The following PLCXD3 variants were observed in gnomAD, a reference collection of about 807,000 sequenced individuals.
PLCXD3 encodes the protein PI-PLC X domain-containing protein 3.
In PLCXD3, 19 loss-of-function variants were observed where a neutral mutation model predicts 25.5. The observed-to-expected ratio is 0.75, with a 90% confidence interval of 0.52 to 1.09. PLCXD3 has a LOEUF of 1.09. PLCXD3 is among the 50% of genes least tolerant of loss of function. PLCXD3 has a pLI of 0.00. For synonymous variants in PLCXD3, 174 were observed against 137.6 expected (o/e 1.26, Z -1.85); for missense variants, 411 against 388.1 (o/e 1.06, Z -0.50).
At chr5:41,339,501 T>G (rs567410061) in intron 2 of PLCXD3, among the ~76,000 whole-genome samples, 2 of 152,184 alleles carry the variant, frequency 1.3e-5, no homozygotes, top group East Asian at 3.9e-4. Flanking sequence ...TAGTTGGTCA[T>G]GTAAATTATC....
At chr5:41,348,139 A>ATAGTATTAG (rs1381668887) in intron 2 of PLCXD3, among the ~76,000 whole-genome samples, 2 of 152,320 alleles carry the variant, frequency 1.3e-5, no homozygotes, top group East Asian at 3.9e-4. Flanking sequence ...AGGTAGGTTA[A>ATAGTATTAG]TAGTATTAGC....
chr5:41,331,895 G>C (rs1743822129), intron 2 of PLCXD3, among the ~76,000 whole-genome samples: 1 of 152,178 alleles, frequency 6.6e-6, no homozygotes. Context: ...GCCATATGTA[G>C]AAAGCTGAAA....
At chr5:41,319,200 C>G (rs1202493630) in intron 2 of PLCXD3, among the ~76,000 whole-genome samples, 1 of 152,150 alleles carries the variant, frequency 6.6e-6, no homozygotes, top group African/African-American at 2.4e-5. Flanking sequence ...CAGTACTGAA[C>G]AGATCTTCCA....
At chr5:41,326,388 A>G (rs1198728315) in intron 2 of PLCXD3, among the ~76,000 whole-genome samples, 1 of 152,072 alleles carries the variant, frequency 6.6e-6, no homozygotes, top group East Asian at 1.9e-4. Flanking sequence ...ATTCCTCTTC[A>G]TGAACAACTA....
chr5:41,502,361 G>T (rs73081521), intron 1 of PLCXD3, among the ~76,000 whole-genome samples: 1 of 151,886 alleles, frequency 6.6e-6, no homozygotes, highest in South Asian at 2.1e-4. Flanking sequence ...GTAATTAATA[G>T]GATAAAATTA....
chr5:41,451,962 T>G (rs1453821702), intron 1 of PLCXD3, among the ~76,000 whole-genome samples: 1 of 152,016 alleles, frequency 6.6e-6, no homozygotes, highest in Non-Finnish European at 1.5e-5. Context: ...GTGTGCATGT[T>G]GAGAAACAGG....
intron 2 of PLCXD3, among the ~76,000 whole-genome samples, chr5:41,380,092 T>G (rs1301517670): frequency 6.6e-6 from 1 of 151,796 alleles, no homozygotes; most frequent in Non-Finnish European, 1.5e-5. Context: ...AACCCCCAAA[T>G]GAGTTGGCCT....
chr5:41,435,579 T>C (rs1747229169), intron 1 of PLCXD3, among the ~76,000 whole-genome samples: 4 of 152,160 alleles, frequency 2.6e-5, no homozygotes, highest in Non-Finnish European at 5.9e-5. Context: ...CTTGGAAAAG[T>C]CTGCTGGCCT....
At chr5:41,406,041 C>A (rs1746341108) in intron 1 of PLCXD3, among the ~76,000 whole-genome samples, 2 of 152,232 alleles carry the variant, frequency 1.3e-5, no homozygotes, top group East Asian at 3.9e-4. Context: ...ATACGTGAAT[C>A]CTGCACAGCC....
chr5:41,372,849 G>A (rs1393534703), intron 2 of PLCXD3, among the ~76,000 whole-genome samples: 2 of 151,866 alleles, frequency 1.3e-5, no homozygotes, highest in African/African-American at 4.8e-5. Context: ...ATTGAGACCA[G>A]CCTGGCTAAC....
intron 1 of PLCXD3, among the ~76,000 whole-genome samples, chr5:41,476,554 T>G (rs1395429827): frequency 2.0e-5 from 3 of 152,220 alleles, no homozygotes; most frequent in Admixed American, 2.0e-4. Context: ...CATTTGTTGC[T>G]GAGAGGATTA....
intron 2 of PLCXD3, among the ~76,000 whole-genome samples, chr5:41,379,549 G>GA (rs1257754548): frequency 6.6e-6 from 1 of 151,990 alleles, no homozygotes; most frequent in Non-Finnish European, 1.5e-5. Flanking sequence ...GAAAAGAAGT[G>GA]AAAAATGGTA....
intron 2 of PLCXD3, among the ~76,000 whole-genome samples, chr5:41,321,277 T>A (rs147055054): frequency 1.3e-5 from 2 of 152,262 alleles, no homozygotes; most frequent in Admixed American, 1.3e-4. Context: ...CAAAAATCAG[T>A]AGCATTTCTG....
intron 1 of PLCXD3, among the ~76,000 whole-genome samples, chr5:41,399,964 A>T (rs931711462): frequency 5.3e-5 from 8 of 152,186 alleles, no homozygotes; most frequent in Non-Finnish European, 1.2e-4. Context: ...GATAACCAGA[A>T]TATATAAGGA....
intron 1 of PLCXD3, among the ~76,000 whole-genome samples, chr5:41,505,604 A>T (rs7709077): frequency 0.011 from 1,724 of 152,320 alleles, 28 homozygotes; most frequent in African/African-American, 0.039. Flanking sequence ...ACAAAGAACC[A>T]ATATAGAGAT....
At chr5:41,445,444 A>C (rs1747472377) in intron 1 of PLCXD3, among the ~76,000 whole-genome samples, 1 of 152,208 alleles carries the variant, frequency 6.6e-6, no homozygotes, top group African/African-American at 2.4e-5. Context: ...GTATTTCAAA[A>C]AGTGGGGCAT....
At chr5:41,397,409 C>G (rs760074550) in intron 1 of PLCXD3, among the ~76,000 whole-genome samples, 3 of 152,168 alleles carry the variant, frequency 2.0e-5, no homozygotes, top group Admixed American at 6.5e-5. Flanking sequence ...TTCAGGTGCA[C>G]AGGAGGCGAG....
intron 1 of PLCXD3, among the ~76,000 whole-genome samples, chr5:41,401,946 C>T (rs967298177): frequency 6.6e-6 from 1 of 151,872 alleles, no homozygotes; most frequent in Non-Finnish European, 1.5e-5. Flanking sequence ...GGTGATGCCC[C>T]TCCTTCATTC....
intron 1 of PLCXD3, among the ~76,000 whole-genome samples, chr5:41,433,326 C>CAA (rs2150509352): frequency 1.3e-5 from 2 of 152,278 alleles, no homozygotes; most frequent in South Asian, 4.1e-4. Context: ...TCCTAGTGCT[C>CAA]ATAATGTGAA....
Sources: allele counts gnomAD v4.1 joint callset (sites outside exome capture counted in the v4.1 genomes callset), GRCh38; gene constraint gnomAD v4.1.1; transcripts MANE v1.5; gene names NCBI Gene and HGNC (gene_info 2026-07-23, HGNC 2026-07-21).